Variants in CTNND2 observed in about 807,000 individuals in gnomAD.
The protein encoded by CTNND2 is catenin delta 2, also known as catenin delta-2.
CTNND2 carries 22 observed loss-of-function variants against 144.4 expected under a neutral mutation model. That is an observed-to-expected ratio of 0.15 (90% CI 0.11 to 0.22). The LOEUF is 0.22. CTNND2 is among the 10% of genes least tolerant of loss of function. The pLI, the probability that CTNND2 is intolerant of heterozygous loss-of-function variation, is 1.00. For synonymous variants in CTNND2, 751 were observed against 695.6 expected, an observed-to-expected ratio of 1.08 and a Z score of -1.25; for missense variants, 1,353 against 1,618.8, an observed-to-expected ratio of 0.84 and a Z score of 2.82.
intron 10 of CTNND2, among the ~76,000 whole-genome samples, chr5:11,233,506 G>T (rs975108935): frequency 5.9e-5 from 9 of 152,178 alleles, no homozygotes; most frequent in Admixed American, 2.0e-4. Flanking sequence ...GCAGTAGAAA[G>T]ACTAGAGGAC....
At chr5:11,670,769 G>A (rs530287564) in intron 2 of CTNND2, among the ~76,000 whole-genome samples, 39 of 152,096 alleles carry the variant, frequency 2.6e-4, no homozygotes, top group Non-Finnish European at 4.9e-4. Flanking sequence ...CATTTATCTC[G>A]TTTATATTTA....
At chr5:10,976,560 C>A (rs1237415952) in intron 21 of CTNND2, among the ~76,000 whole-genome samples, 1 of 152,166 alleles carries the variant, frequency 6.6e-6, no homozygotes, top group Non-Finnish European at 1.5e-5. Flanking sequence ...GGGGTGGTGA[C>A]CAGCAGCTCA....
At chr5:11,459,240 C>T (rs945025764) in intron 3 of CTNND2, among the ~76,000 whole-genome samples, 11 of 152,112 alleles carry the variant, frequency 7.2e-5, no homozygotes, top group African/African-American at 2.7e-4. Context: ...GGATTTAGTA[C>T]AACAATGCTG....
chr5:11,504,039 C>T (rs1291838557), intron 3 of CTNND2, among the ~76,000 whole-genome samples: 1 of 152,234 alleles, frequency 6.6e-6, no homozygotes, highest in Non-Finnish European at 1.5e-5. Flanking sequence ...AGATAATTAT[C>T]AACGTACAAA....
In CTNND2 at chr5:11,338,550, G is replaced by A. The variant is rs1229401332; in HGVS notation, c.1628+7822C>T. On this transcript the variant is annotated intron_variant, in intron 9 of 21. Transcript: ENST00000304623. The stretch of plus-strand genomic sequence containing the variant: ...CGCAAAGGATGGGGTATTTGCTAAC[G>A]AGGAATTAAGTAACTAGTACTTTGG... Among the ~76,000 whole-genome samples the A allele has an allele frequency of 3.3e-5, 5 of 152,296 alleles. No homozygotes were observed. The East Asian group carries it at 5.8e-4, about 18-fold the overall frequency.
chr5:11,128,789 TATA>T (rs1201220043), intron 12 of CTNND2, among the ~76,000 whole-genome samples: 3 of 35,396 alleles, frequency 8.5e-5, no homozygotes, highest in Admixed American at 4.6e-4. Context: ...AATATATAAA[TATA>T]TATTATATAT....
At chr5:11,230,610 A>G (rs1400700918) in intron 10 of CTNND2, among the ~76,000 whole-genome samples, 12 of 152,232 alleles carry the variant, frequency 7.9e-5, no homozygotes, top group Admixed American at 4.6e-4. Context: ...TCCATCTCAG[A>G]TATTCATTCA....
At chr5:11,370,675 A>AT (rs1231770292) in intron 7 of CTNND2, among the ~76,000 whole-genome samples, 5 of 152,164 alleles carry the variant, frequency 3.3e-5, no homozygotes, top group Non-Finnish European at 5.9e-5. Context: ...AAAGAAATAT[A>AT]TTTTTCCATG....
intron 21 of CTNND2, among the ~76,000 whole-genome samples, chr5:10,976,805 C>A (rs916259869): frequency 6.6e-6 from 1 of 152,178 alleles, no homozygotes; most frequent in Non-Finnish European, 1.5e-5. Flanking sequence ...GAAATAGTAG[C>A]CCAGTATAGC....
At chr5:11,313,398 G>A (rs1221543348) in intron 9 of CTNND2, among the ~76,000 whole-genome samples, 2 of 152,104 alleles carry the variant, frequency 1.3e-5, no homozygotes, top group Non-Finnish European at 2.9e-5. Flanking sequence ...TTCCAGTCCC[G>A]AGATCCTCTT....
intron 3 of CTNND2, among the ~76,000 whole-genome samples, chr5:11,524,934 T>A (rs1773093437): frequency 6.6e-6 from 1 of 152,220 alleles, no homozygotes; most frequent in South Asian, 2.1e-4. Context: ...CTATGTTCAT[T>A]GATCCATAGC....
intron 2 of CTNND2, among the ~76,000 whole-genome samples, chr5:11,587,823 A>G (rs1778973457): frequency 6.6e-6 from 1 of 152,164 alleles, no homozygotes; most frequent in Admixed American, 6.5e-5. Flanking sequence ...ACTTAAATAT[A>G]TAACAATCTA....
chr5:11,015,071 C>T (rs143427517), intron 18 of CTNND2, among the ~76,000 whole-genome samples: 5 of 152,256 alleles, frequency 3.3e-5, no homozygotes, highest in East Asian at 3.9e-4. Context: ...TCCTTTGGAA[C>T]GCTTCCTTTG....
chr5:11,767,269 A>C (rs889686825), intron 1 of CTNND2, among the ~76,000 whole-genome samples: 2 of 152,198 alleles, frequency 1.3e-5, no homozygotes, highest in African/African-American at 4.8e-5. Flanking sequence ...TCAGTGCTTC[A>C]ATAGTGTTTT....
At chr5:11,630,737 A>G (rs1781371409) in intron 2 of CTNND2, among the ~76,000 whole-genome samples, 1 of 152,064 alleles carries the variant, frequency 6.6e-6, no homozygotes, top group Non-Finnish European at 1.5e-5. Context: ...GGATCACCTG[A>G]GGTCAGGAGT....
intron 2 of CTNND2, among the ~76,000 whole-genome samples, chr5:11,722,155 A>G (rs1786724544): frequency 6.6e-6 from 1 of 152,206 alleles, no homozygotes; most frequent in Non-Finnish European, 1.5e-5. Flanking sequence ...GGTAGCTTTC[A>G]ATAATAGACT....
In CTNND2 at chr5:11,900,481, G is replaced by A. The variant is rs555013221; in HGVS notation, c.37+3336C>T. On this transcript the variant is annotated intron_variant, in intron 1 of 21. Coordinates refer to ENST00000304623, the MANE Select transcript of CTNND2 (RefSeq NM_001332.4). ...TTTATTAAACCCAACCAGGCAGTTT[G>A]TTAATCAGTAGGCTGGATTGGCAGA... 1.6e-4 allele frequency among the ~76,000 whole-genome samples: 24 copies of A among 152,296 alleles called. 1 individual carries two copies. The South Asian group carries it at 4.8e-3, about 30-fold the overall frequency.
intron 3 of CTNND2, among the ~76,000 whole-genome samples, chr5:11,516,190 TCAC>T (rs1232518738): frequency 3.3e-5 from 5 of 151,984 alleles, no homozygotes; most frequent in African/African-American, 4.8e-5. Context: ...ATTGTCAGAG[TCAC>T]CACAAGTTTT....
At chr5:11,432,652 C>T (rs1763404335) in intron 3 of CTNND2, among the ~76,000 whole-genome samples, 1 of 152,026 alleles carries the variant, frequency 6.6e-6, no homozygotes, top group African/African-American at 2.4e-5. Flanking sequence ...TTCAGAAAGA[C>T]AGAGTATCTT....
Sources: gnomAD v4.1 joint callset for allele counts (sites outside exome capture counted in the v4.1 genomes callset) on GRCh38, gnomAD v4.1.1 for gene constraint, MANE v1.5 for transcripts, NCBI Gene and HGNC (gene_info 2026-07-23, HGNC 2026-07-21) for gene names.